PISD: variants seen among roughly 807,000 people sequenced by gnomAD.
The protein encoded by PISD is phosphatidylserine decarboxylase proenzyme, mitochondrial.
In PISD, 31 loss-of-function variants were observed where a neutral mutation model predicts 43.5. The ratio of observed to expected loss-of-function variants is 0.71; its 90% CI spans 0.54 to 0.96. The LOEUF is 0.96. Ranked by LOEUF, PISD falls within the 40% of genes least tolerant of loss-of-function variation. The probability of loss-of-function intolerance (pLI) is 0.00; values close to 1 mark genes in which losing one functional copy is unlikely to be tolerated. For synonymous variants in PISD, 259 were observed against 228.7 expected (o/e 1.13, Z -1.20); for missense variants, 523 against 548.4 (o/e 0.95, Z 0.46).
At chr22:31,660,121 C>A (rs1601467343) in intron 1 of PISD, among the ~76,000 whole-genome samples, 1 of 152,194 alleles carries the variant, frequency 6.6e-6, no homozygotes, top group Non-Finnish European at 1.5e-5. Flanking sequence ...CAAATAGGCA[C>A]TGGTTTACTA....
rs553574076 is a variant in PISD, at chr22:31,638,426, C to T, written c.321+9675G>A. 170 of 979,666 alleles carry T rather than the reference C, an allele frequency of 1.7e-4. No individual in the cohort carries two copies. The South Asian group carries it at 5.6e-3, about 32-fold the overall frequency. The allele number at this position is 979,666 out of a possible 1,614,324, so 60.7% of individuals were successfully genotyped here. On this transcript the variant is annotated intron_variant, in intron 3 of 7. Transcript: ENST00000439502. ...CAAATGCCCTGGGTCTGTGGAGGGG[C>T]GAGGAAGGGGGGATGAAGGGGGATG...
At chr22:31,644,898 G>A (rs902179706) in intron 3 of PISD, among the ~76,000 whole-genome samples, 6 of 152,140 alleles carry the variant, frequency 3.9e-5, no homozygotes, top group African/African-American at 1.4e-4. Context: ...GCCGAGGCGG[G>A]TGGATCATGA....
At chr22:31,637,474 G>T (rs2073543799) in intron 3 of PISD, among the ~76,000 whole-genome samples, 1 of 151,624 alleles carries the variant, frequency 6.6e-6, no homozygotes, top group African/African-American at 2.4e-5. Flanking sequence ...ATCTAACCCT[G>T]GTCTCACGCC....
At chr22:31,660,759 A>G (rs1158389341) in intron 1 of PISD, among the ~76,000 whole-genome samples, 2 of 152,088 alleles carry the variant, frequency 1.3e-5, no homozygotes, top group East Asian at 3.9e-4. Flanking sequence ...TTTGAGACAG[A>G]GTCTCACTCT....
chr22:31,618,596 G>C lies in PISD; in HGVS notation c.*1016C>G, dbSNP rs2072254143. 1 of 566,004 alleles carries C rather than the reference G, an allele frequency of 1.8e-6. No individual in the cohort carries two copies. Among genetic ancestry groups the C allele is most frequent in the African/African-American group, 1.9e-5 (1 of 51,628 alleles). The allele number at this position is 566,004 out of a possible 1,614,324, so 35.1% of individuals were successfully genotyped here. Reference sequence around the variant, plus strand: ...AAAATACTGTGCTACTGATACAGTTGAAAAAATTCAATGATGTCTCTCCTG... The same window carrying C: ...AAAATACTGTGCTACTGATACAGTTCAAAAAATTCAATGATGTCTCTCCTG... On this transcript the variant is annotated 3_prime_UTR_variant, in exon 8 of 8. Transcript: ENST00000439502.
chr22:31,656,160 T>C lies in PISD; in HGVS notation c.66-5382A>G, dbSNP rs190248483. ...AATACAAAAAACTAGCCAGCCAATA[T>C]GGTGAAACCCCGTCTCTACTAAAAA... On this transcript the variant is annotated intron_variant, in intron 1 of 7. Coordinates refer to ENST00000439502, the MANE Select transcript of PISD (RefSeq NM_001326411.2). Among the ~76,000 whole-genome samples, 131 of 152,002 alleles carry C rather than the reference T, an allele frequency of 8.6e-4. 1 individual carries two copies. Among genetic ancestry groups the C allele is most frequent in the Middle Eastern group, 3.4e-3 (1 of 294 alleles).
chr22:31,620,661 G>GA lies in PISD; in HGVS notation c.896dup (p.Cys300LeufsTer3). On this transcript the variant is annotated frameshift_variant, in exon 7 of 8. Coordinates refer to ENST00000439502, the MANE Select transcript of PISD (RefSeq NM_001326411.2). LOFTEE classifies it high-confidence loss of function. ...TCAGGACCACCCGCTCGTTATGGCA[G>GA]AAGAGCTCTTTGATCCAGCGAGCCA... 2 of 1,614,234 alleles carry GA rather than the reference G, an allele frequency of 1.2e-6. No individual in the cohort carries two copies. Among genetic ancestry groups the GA allele is most frequent in the Non-Finnish European group, 1.7e-6 (2 of 1,180,026 alleles).
chr22:31,656,971 A>T (rs777089039), intron 1 of PISD, among the ~76,000 whole-genome samples: 6 of 152,072 alleles, frequency 3.9e-5, no homozygotes, highest in African/African-American at 1.4e-4. Context: ...CTTAATTTTT[A>T]AAAAAAATTT....
At chr22:31,625,726 G>C in intron 3 of PISD, 1 of 1,564,978 alleles carries the variant, frequency 6.4e-7, no homozygotes, top group Non-Finnish European at 8.7e-7. Flanking sequence ...TCGTGGCGGG[G>C]AACCGTGGGG....
At chr22:31,637,609 C>A (rs1453927794) in intron 3 of PISD, among the ~76,000 whole-genome samples, 1 of 152,102 alleles carries the variant, frequency 6.6e-6, no homozygotes, top group Non-Finnish European at 1.5e-5. Flanking sequence ...TCACTTTACT[C>A]CAGTGACTGA....
chr22:31,662,399 C>G (rs115942202), upstream of PISD: 1,594 of 603,970 alleles, frequency 2.6e-3, 15 homozygotes, highest in African/African-American at 0.018. Flanking sequence ...ACTAGTGGAG[C>G]TGTAGGTTTC....
intron 3 of PISD, chr22:31,628,888 G>A (rs934459832): frequency 2.0e-6 from 2 of 985,290 alleles, no homozygotes; most frequent in Non-Finnish European, 2.4e-6. Flanking sequence ...CACTCCGGTG[G>A]GGGCAGGGGT....
At chr22:31,640,068 T>C (rs971922026) in intron 3 of PISD, among the ~76,000 whole-genome samples, 1 of 152,106 alleles carries the variant, frequency 6.6e-6, no homozygotes, top group African/African-American at 2.4e-5. Context: ...AATAGCACTC[T>C]GGAAGCCAAA....
At position 31,619,813 on chromosome 22, in the gene PISD, C is replaced by T. The variant is rs765378301; in HGVS notation, c.1029G>A (p.Arg343=). ...AGTCATTGTAGGAGCCCTTGCTGTG[C>T]CTTGGGCTGTTTGTGTGCAGGTCCT... ...FDRDLHTNSP[R]HSKGSYNDFS... is the part of the protein sequence containing the mutation. Residue 343 remains arginine, a synonymous_variant, in exon 8 of 8, where the codon AGG becomes AGA. Transcript: ENST00000439502. 8 of 1,613,594 alleles carry T rather than the reference C, an allele frequency of 5.0e-6. No individual in the cohort carries two copies. The African/African-American group carries it at 1.1e-4, about 22-fold the overall frequency.
intron 3 of PISD, among the ~76,000 whole-genome samples, chr22:31,634,834 CAAAAA>C (rs33999998): frequency 7.4e-5 from 6 of 81,086 alleles, no homozygotes; most frequent in East Asian, 3.7e-4. Flanking sequence ...GACTCCATCT[CAAAAA>C]AAAAAAAAAA....
chr22:31,639,916 G>C (rs1368715216), intron 3 of PISD, among the ~76,000 whole-genome samples: 1 of 152,156 alleles, frequency 6.6e-6, no homozygotes, highest in Non-Finnish European at 1.5e-5. Context: ...GACATCATGA[G>C]TTCCTGAAAA....
chr22:31,660,241 C>T (rs976120313), intron 1 of PISD, among the ~76,000 whole-genome samples: 8 of 152,208 alleles, frequency 5.3e-5, no homozygotes, highest in Non-Finnish European at 1.2e-4. Context: ...ATCTTCATCT[C>T]TCTCACCCAC....
rs2072243922 is a variant in PISD, at chr22:31,618,542, C to G, written c.*1070G>C. Reference sequence around the variant, plus strand: ...AAATGCTTTGCAATTAAATGAATTACTGTTCAGAAGTCTCCCACTTTTCAT... The same window carrying G: ...AAATGCTTTGCAATTAAATGAATTAGTGTTCAGAAGTCTCCCACTTTTCAT... On this transcript the variant is annotated 3_prime_UTR_variant, in exon 8 of 8. Coordinates refer to ENST00000439502, the MANE Select transcript of PISD (RefSeq NM_001326411.2). 2.4e-5 allele frequency: 25 copies of G among 1,027,666 alleles called. No homozygotes were observed. The highest frequency in any genetic ancestry group is 3.3e-5 in the Non-Finnish European group (25 of 747,476). The allele number at this position is 1,027,666 out of a possible 1,614,324, so 63.7% of individuals were successfully genotyped here.
At position 31,628,838 on chromosome 22, in the gene PISD, C is replaced by A. The variant is rs1357929628; in HGVS notation, c.322-6953G>T. The A allele has an allele frequency of 3.0e-6, 3 of 985,450 alleles. No individual in the cohort carries two copies. The South Asian group carries it at 1.4e-4, about 46-fold the overall frequency. The allele number at this position is 985,450 out of a possible 1,614,324, so 61.0% of individuals were successfully genotyped here. A position where few individuals can be genotyped will look rare whatever the true frequency, so the allele number is the denominator to read the frequency against. On this transcript the variant is annotated intron_variant, in intron 3 of 7. Transcript: ENST00000439502. ...GAGCGCGACGCAGCCTCAGACCTGG[C>A]TTCCAACACCTCACCTCTCTTTCCA...
Sources: allele counts gnomAD v4.1 joint callset (sites outside exome capture counted in the v4.1 genomes callset), GRCh38; gene constraint gnomAD v4.1.1; transcripts MANE v1.5; gene names NCBI Gene and HGNC (gene_info 2026-07-23, HGNC 2026-07-21).